The following CSMD1 variants were observed in gnomAD, a reference collection of about 807,000 sequenced individuals.
CSMD1 encodes the protein CUB and Sushi multiple domains 1, also known as CUB and sushi domain-containing protein 1.
In CSMD1, 213 loss-of-function variants were observed where a neutral mutation model predicts 417.5. That is an observed-to-expected ratio of 0.51 (90% confidence interval 0.46 to 0.57). The LOEUF is 0.57. Among genes scored for constraint, CSMD1 ranks in the 20% least tolerant of loss-of-function variants. The pLI, the probability that CSMD1 is intolerant of heterozygous loss-of-function variation, is 0.00. For synonymous variants in CSMD1, 2,862 were observed against 1,736.8 expected, an observed-to-expected ratio of 1.65 and a Z score of -16.11; for missense variants, 6,923 against 4,529.7, an observed-to-expected ratio of 1.53 and a Z score of -15.17.
In CSMD1 at chr8:3,889,494, AAATAT is replaced by A. The variant is rs1806805831; in HGVS notation, c.818+108404_818+108408del. On this transcript the variant is annotated intron_variant, in intron 5 of 69. Coordinates refer to ENST00000635120, the MANE Select transcript of CSMD1 (RefSeq NM_033225.6). ...ATATATATATATATATATATATATA[AAATAT>A]GCTCATTAGGTCATGATATATACAT... Among the ~76,000 whole-genome samples the A allele has an allele frequency of 3.2e-3, 124 of 38,488 alleles. 5 individuals are homozygous for A. Among genetic ancestry groups the A allele is most frequent in the African/African-American group, 0.01 (117 of 11,378 alleles). 25.2% of individuals were successfully genotyped at this position (38,488 alleles called of 152,430 possible).
intron 5 of CSMD1, among the ~76,000 whole-genome samples, chr8:3,986,978 C>A (rs750832316): frequency 3.9e-5 from 6 of 152,146 alleles, no homozygotes; most frequent in Non-Finnish European, 8.8e-5. Flanking sequence ...TGTTCTTGAA[C>A]TACTGACATC....
intron 1 of CSMD1, among the ~76,000 whole-genome samples, chr8:4,725,570 G>A (rs187740150): frequency 1.3e-5 from 2 of 152,246 alleles, no homozygotes; most frequent in Admixed American, 1.3e-4. Context: ...AGACCTACGT[G>A]TATTTCAGAA....
At chr8:3,282,615 C>T (rs530320308) in intron 26 of CSMD1, among the ~76,000 whole-genome samples, 2 of 152,206 alleles carry the variant, frequency 1.3e-5, no homozygotes, top group African/African-American at 2.4e-5. Context: ...ATAGTTGGAA[C>T]ACTCTTACTT....
At chr8:4,418,344 C>G (rs1484930845) in intron 3 of CSMD1, among the ~76,000 whole-genome samples, 2 of 152,098 alleles carry the variant, frequency 1.3e-5, no homozygotes, top group African/African-American at 2.4e-5. Flanking sequence ...CATAGACAAT[C>G]TTGCCCTATT....
intron 2 of CSMD1, among the ~76,000 whole-genome samples, chr8:4,458,702 G>C (rs376717182): frequency 1.4e-4 from 22 of 152,058 alleles, no homozygotes; most frequent in Non-Finnish European, 1.8e-4. Flanking sequence ...AAAATAATTA[G>C]ATTATTTCTT....
intron 3 of CSMD1, among the ~76,000 whole-genome samples, chr8:4,412,265 T>G (rs1225270358): frequency 1.3e-5 from 2 of 152,112 alleles, no homozygotes; most frequent in African/African-American, 4.8e-5. Context: ...GTGGGGCAGA[T>G]TTCTCATGAA....
intron 51 of CSMD1, among the ~76,000 whole-genome samples, chr8:3,026,804 T>G (rs1027806402): frequency 1.3e-5 from 2 of 152,182 alleles, no homozygotes; most frequent in Non-Finnish European, 2.9e-5. Flanking sequence ...GTCCTCAAAT[T>G]TTAAAAATAA....
chr8:4,514,213 G>A (rs1259326875), intron 2 of CSMD1, among the ~76,000 whole-genome samples: 2 of 152,090 alleles, frequency 1.3e-5, no homozygotes, highest in Non-Finnish European at 2.9e-5. Context: ...GGCAGAGTAG[G>A]GGATGGGGAG....
intron 3 of CSMD1, among the ~76,000 whole-genome samples, chr8:4,063,394 T>C (rs1185532434): frequency 1.3e-5 from 2 of 152,156 alleles, no homozygotes; most frequent in Non-Finnish European, 2.9e-5. Context: ...GTAAACTATA[T>C]AGATTATAGT....
intron 3 of CSMD1, among the ~76,000 whole-genome samples, chr8:4,046,435 T>C (rs1255329644): frequency 2.0e-5 from 3 of 152,206 alleles, no homozygotes; most frequent in Non-Finnish European, 4.4e-5. Context: ...ATGTGCTTTC[T>C]GTTACTGAAT....
intron 5 of CSMD1, among the ~76,000 whole-genome samples, chr8:3,834,738 C>A (rs143520575): frequency 6.6e-6 from 1 of 151,818 alleles, no homozygotes; most frequent in Non-Finnish European, 1.5e-5. Flanking sequence ...GCTCCATTCT[C>A]GGAGGTGGAG....
rs77930579 is a variant in CSMD1 at position 4,332,297 on chromosome 8, G to A, written c.415+87656C>T. On this transcript the variant is annotated intron_variant, in intron 3 of 69. Transcript: ENST00000635120. The stretch of plus-strand genomic sequence containing the variant: ...AGGGCTGTGCTCCAAGCCTCTCTTG[G>A]AGATGCTCTTTCAGTCCTTTCTCAT... Among the ~76,000 whole-genome samples the A allele has an allele frequency of 4.6e-5, 7 of 152,098 alleles. No individual in the cohort carries two copies. The South Asian group carries it at 6.2e-4, about 14-fold the overall frequency.
chr8:4,911,748 T>G lies in CSMD1; in HGVS notation c.85+82584A>C, dbSNP rs575324991. ...CTAGCAAGGGACTGGTAAATCACGT[T>G]GGTTTCTTCTTGGGCTTCCAACATA... On this transcript the variant is annotated intron_variant, in intron 1 of 69. Transcript: ENST00000635120. Among the ~76,000 whole-genome samples the G allele has an allele frequency of 3.3e-5, 5 of 152,274 alleles. No homozygotes were observed. The South Asian group carries it at 1.0e-3, about 32-fold the overall frequency.
At chr8:3,120,846 A>G (rs532980359) in intron 41 of CSMD1, among the ~76,000 whole-genome samples, 46 of 152,250 alleles carry the variant, frequency 3.0e-4, no homozygotes, top group Middle Eastern at 3.4e-3. Flanking sequence ...ACTCCATCAC[A>G]AATAAATAAA....
At chr8:4,220,636 G>A (rs1208948970) in intron 3 of CSMD1, among the ~76,000 whole-genome samples, 3 of 152,170 alleles carry the variant, frequency 2.0e-5, no homozygotes, top group Admixed American at 6.5e-5. Flanking sequence ...TATTTTGGAG[G>A]TGGAATCAAC....
chr8:4,311,280 A>C (rs1162347553), intron 3 of CSMD1, among the ~76,000 whole-genome samples: 3 of 152,228 alleles, frequency 2.0e-5, no homozygotes, highest in Non-Finnish European at 4.4e-5. Flanking sequence ...TTAGATAAAG[A>C]AAATGTGGCA....
At chr8:4,319,603 C>A (rs914659885) in intron 3 of CSMD1, among the ~76,000 whole-genome samples, 1 of 151,938 alleles carries the variant, frequency 6.6e-6, no homozygotes, top group African/African-American at 2.4e-5. Flanking sequence ...AGTGGTGATT[C>A]CTGAGAGAAG....
Position 3,495,658 on chromosome 8 carries a change from G to T in CSMD1, c.1345-1932C>A, listed in dbSNP as rs80267657. Among the ~76,000 whole-genome samples, 667 of 152,272 alleles carry T rather than the reference G, an allele frequency of 4.4e-3. 7 individuals carry two copies. Among genetic ancestry groups the T allele is most frequent in the African/African-American group, 0.015 (630 of 41,560 alleles). On this transcript the variant is annotated intron_variant, in intron 10 of 69. Coordinates refer to ENST00000635120, the MANE Select transcript of CSMD1 (RefSeq NM_033225.6). ...GTCATATGGCATTTTACAAATATAT[G>T]CAGCTGTAAAATAGAAGTATGTGTA... is the stretch of plus-strand genomic sequence containing the variant.
chr8:3,706,615 A>C (rs1438667932), intron 7 of CSMD1, among the ~76,000 whole-genome samples: 1 of 152,198 alleles, frequency 6.6e-6, no homozygotes, highest in African/African-American at 2.4e-5. Flanking sequence ...AAAGAAAAAA[A>C]GCTCTGCCTC....
Sources: gnomAD v4.1 joint callset for allele counts (sites outside exome capture counted in the v4.1 genomes callset) on GRCh38, gnomAD v4.1.1 for gene constraint, MANE v1.5 for transcripts, NCBI Gene and HGNC (gene_info 2026-07-23, HGNC 2026-07-21) for gene names.